ADAMTSL1: variants seen among roughly 807,000 people sequenced by gnomAD.
The protein encoded by ADAMTSL1 is ADAMTS-like protein 1.
ADAMTSL1 carries 126 observed loss-of-function variants against 201.8 expected under a neutral mutation model. That is an observed-to-expected ratio of 0.62 (90% CI 0.54 to 0.72). The LOEUF (loss-of-function observed/expected upper bound fraction) is 0.72. ADAMTSL1 is among the 30% of genes least tolerant of loss of function. ADAMTSL1 has a pLI of 0.00. For synonymous variants in ADAMTSL1, 1,121 were observed against 903.4 expected, an observed-to-expected ratio of 1.24 and a Z score of -4.32; for missense variants, 2,679 against 2,277.8, an observed-to-expected ratio of 1.18 and a Z score of -3.59.
At chr9:18,838,883 A>T (rs10811046) in intron 23 of ADAMTSL1, among the ~76,000 whole-genome samples, 31,278 of 147,534 alleles carry the variant, frequency 0.21, 3,213 homozygotes, top group Middle Eastern at 0.32. Flanking sequence ...TCTTTTTTTT[A>T]AAAAAAAAAA....
At chr9:18,908,360 C>A in intron 28 of ADAMTSL1, 82 bp from the exon 29 acceptor site, 1 of 1,201,662 alleles carries the variant, frequency 8.3e-7, no homozygotes, top group Non-Finnish European at 1.2e-6. Context: ...CCCCCGGCTG[C>A]ACCTCACACA....
intron 16 of ADAMTSL1, among the ~76,000 whole-genome samples, chr9:18,754,121 T>C (rs1563770482): frequency 1.3e-5 from 2 of 152,186 alleles, no homozygotes; most frequent in Admixed American, 6.5e-5. Flanking sequence ...AACACACCCA[T>C]TATTTTACGT....
intron 1 of ADAMTSL1, among the ~76,000 whole-genome samples, chr9:17,971,054 T>A (rs1818187815): frequency 6.6e-6 from 1 of 152,112 alleles, no homozygotes; most frequent in Non-Finnish European, 1.5e-5. Flanking sequence ...CATACATATA[T>A]ACATATAAAT....
intron 2 of ADAMTSL1, among the ~76,000 whole-genome samples, chr9:18,197,389 C>T (rs573007285): frequency 1.3e-3 from 188 of 140,324 alleles, no homozygotes; most frequent in Non-Finnish European, 2.1e-3. Context: ...TGAAGAGGTC[C>T]TTCACATCCC....
chr9:18,248,602 G>A (rs545923929), intron 2 of ADAMTSL1, among the ~76,000 whole-genome samples: 1 of 152,280 alleles, frequency 6.6e-6, no homozygotes, highest in African/African-American at 2.4e-5. Flanking sequence ...TAAAGCAGTA[G>A]CATATAAAAA....
chr9:18,676,782 C>T (rs1830156724), intron 10 of ADAMTSL1, among the ~76,000 whole-genome samples: 1 of 152,076 alleles, frequency 6.6e-6, no homozygotes, highest in South Asian at 2.1e-4. Flanking sequence ...CCACAGCAGC[C>T]TGCTCCATCT....
intron 2 of ADAMTSL1, among the ~76,000 whole-genome samples, chr9:18,256,692 G>A (rs1357719344): frequency 6.6e-6 from 1 of 152,194 alleles, no homozygotes; most frequent in Non-Finnish European, 1.5e-5. Flanking sequence ...GCCTCAGGAA[G>A]TTTTGCTTCT....
chr9:18,470,858 T>G (rs1821181280), upstream of ADAMTSL1, among the ~76,000 whole-genome samples: 3 of 152,194 alleles, frequency 2.0e-5, no homozygotes, highest in South Asian at 6.2e-4. Flanking sequence ...TGCTTCTGAT[T>G]TCATTTCACC....
intron 1 of ADAMTSL1, among the ~76,000 whole-genome samples, chr9:18,140,824 T>C (rs1265399355): frequency 6.6e-6 from 1 of 152,112 alleles, no homozygotes; most frequent in Non-Finnish European, 1.5e-5. Context: ...AAAATTATCA[T>C]GGAAAGCAGT....
At chr9:18,227,370 C>G (rs925606045) in intron 2 of ADAMTSL1, among the ~76,000 whole-genome samples, 1 of 152,174 alleles carries the variant, frequency 6.6e-6, no homozygotes, top group Non-Finnish European at 1.5e-5. Flanking sequence ...GATAGGAAAA[C>G]AAATAATTAT....
At chr9:18,041,940 C>A (rs950660778) in intron 1 of ADAMTSL1, among the ~76,000 whole-genome samples, 1 of 151,914 alleles carries the variant, frequency 6.6e-6, no homozygotes, top group Non-Finnish European at 1.5e-5. Context: ...ACCTGAGTGT[C>A]CTGAAATCAT....
chr9:18,054,035 T>C (rs1280928315), intron 1 of ADAMTSL1, among the ~76,000 whole-genome samples: 1 of 152,220 alleles, frequency 6.6e-6, no homozygotes, highest in Non-Finnish European at 1.5e-5. Flanking sequence ...CAGTTCTGGT[T>C]ATAAAAGGAC....
At chr9:18,847,319 C>G (rs1027135864) in intron 23 of ADAMTSL1, among the ~76,000 whole-genome samples, 1 of 152,140 alleles carries the variant, frequency 6.6e-6, no homozygotes, top group Non-Finnish European at 1.5e-5. Context: ...GCAAAGTATT[C>G]CATGCACTGA....
At chr9:17,970,101 A>G (rs1227226032) in intron 1 of ADAMTSL1, among the ~76,000 whole-genome samples, 1 of 152,030 alleles carries the variant, frequency 6.6e-6, no homozygotes, top group African/African-American at 2.4e-5. Context: ...GGGTATTAAC[A>G]CTGATATTTT....
At chr9:18,168,793 T>G (rs1363148381) in intron 2 of ADAMTSL1, among the ~76,000 whole-genome samples, 2 of 146,052 alleles carry the variant, frequency 1.4e-5, no homozygotes, top group Non-Finnish European at 3.0e-5. Flanking sequence ...ACCTGTTGTT[T>G]CCTGACTTTT....
At chr9:18,744,109 AG>A (rs776868993) in intron 15 of ADAMTSL1, among the ~76,000 whole-genome samples, 1 of 152,240 alleles carries the variant, frequency 6.6e-6, no homozygotes, top group Non-Finnish European at 1.5e-5. Context: ...GGATGAAGTG[AG>A]ATAACATAAA....
intron 14 of ADAMTSL1, among the ~76,000 whole-genome samples, chr9:18,708,825 G>C (rs2133342789): frequency 6.6e-6 from 1 of 152,278 alleles, no homozygotes; most frequent in East Asian, 1.9e-4. Flanking sequence ...ATACAGTAAT[G>C]GAATATCTAA....
chr9:18,646,169 C>A (rs573692066), intron 7 of ADAMTSL1, among the ~76,000 whole-genome samples: 35 of 151,726 alleles, frequency 2.3e-4, no homozygotes, highest in African/African-American at 8.2e-4. Flanking sequence ...TCGGAGTTCA[C>A]TCATGATTTG....
At chr9:18,251,611 T>A (rs1469832596) in intron 2 of ADAMTSL1, among the ~76,000 whole-genome samples, 1 of 152,164 alleles carries the variant, frequency 6.6e-6, no homozygotes. Flanking sequence ...AGGGACTGGA[T>A]AAAATGATTT....
Sources: gnomAD v4.1 joint callset for allele counts (sites outside exome capture counted in the v4.1 genomes callset) on GRCh38, gnomAD v4.1.1 for gene constraint, MANE v1.5 for transcripts, NCBI Gene and HGNC (gene_info 2026-07-23, HGNC 2026-07-21) for gene names.